Variants in CLYBL observed in about 807,000 individuals in gnomAD.
CLYBL encodes citramalyl-CoA lyase, also known as citramalyl-CoA lyase, mitochondrial.
In CLYBL, 31 loss-of-function variants were observed where a neutral mutation model predicts 38.9. The observed-to-expected ratio is 0.80, with a 90% CI of 0.60 to 1.08. The LOEUF is 1.08. Ranked by LOEUF, CLYBL falls within the 50% of genes least tolerant of loss-of-function variation. The probability of loss-of-function intolerance (pLI) is 0.00; values close to 1 mark genes in which losing one functional copy is unlikely to be tolerated. For missense variants in CLYBL, 434 were observed against 411.6 expected (o/e 1.05, Z -0.47); for synonymous variants, 171 against 158.6 (o/e 1.08, Z -0.59).
At chr13:99,722,902 TC>T (rs577382936) in intron 1 of CLYBL, among the ~76,000 whole-genome samples, 290 of 152,318 alleles carry the variant, frequency 1.9e-3, no homozygotes, top group Non-Finnish European at 2.2e-3. Flanking sequence ...ACTGTTTACT[TC>T]CCCCTTTCTC....
intron 1 of CLYBL, among the ~76,000 whole-genome samples, chr13:99,633,311 G>A (rs905199009): frequency 2.4e-4 from 36 of 151,666 alleles, no homozygotes; most frequent in Admixed American, 2.4e-3. Context: ...AGGCAGAAGT[G>A]GGCGGATCAC....
chr13:99,737,352 G>T (rs562630693), intron 1 of CLYBL, among the ~76,000 whole-genome samples: 1 of 152,312 alleles, frequency 6.6e-6, no homozygotes, highest in South Asian at 2.1e-4. Context: ...TGTGCACGAG[G>T]TGCTTCGTCA....
At chr13:99,732,258 T>C (rs900206434) in intron 1 of CLYBL, among the ~76,000 whole-genome samples, 3 of 144,946 alleles carry the variant, frequency 2.1e-5, no homozygotes, top group Non-Finnish European at 4.5e-5. Context: ...CACGATTCAC[T>C]GCAGCCTCAA....
At chr13:99,648,085 A>T (rs1431460910) in intron 1 of CLYBL, among the ~76,000 whole-genome samples, 1 of 152,202 alleles carries the variant, frequency 6.6e-6, no homozygotes, top group Non-Finnish European at 1.5e-5. Context: ...TGAGAAATGA[A>T]GTTGGCATGC....
chr13:99,822,848 C>T (rs563109755), intron 2 of CLYBL, among the ~76,000 whole-genome samples: 1 of 152,282 alleles, frequency 6.6e-6, no homozygotes, highest in African/African-American at 2.4e-5. Context: ...GTTTTAACTT[C>T]CTTACTGTTA....
intron 1 of CLYBL, among the ~76,000 whole-genome samples, chr13:99,608,365 G>T (rs372265571): frequency 5.9e-5 from 9 of 152,322 alleles, no homozygotes; most frequent in African/African-American, 1.4e-4. Context: ...GAGCCACCGT[G>T]CCCGGCCTGG....
chr13:99,784,315 A>G (rs2049730615), intron 2 of CLYBL, among the ~76,000 whole-genome samples: 1 of 152,170 alleles, frequency 6.6e-6, no homozygotes, highest in Non-Finnish European at 1.5e-5. Context: ...CTAACCTTGC[A>G]GTGGTCTCAA....
intron 1 of CLYBL, among the ~76,000 whole-genome samples, chr13:99,691,322 T>C (rs963290965): frequency 1.3e-5 from 2 of 152,190 alleles, no homozygotes; most frequent in African/African-American, 2.4e-5. Context: ...ATAAATAAAT[T>C]AGTTACAAAC....
intron 2 of CLYBL, among the ~76,000 whole-genome samples, chr13:99,777,501 T>C (rs903868550): frequency 2.0e-5 from 3 of 151,552 alleles, no homozygotes; most frequent in South Asian, 4.2e-4. Flanking sequence ...CTTTTCTTTT[T>C]TTTTTTTTGA....
At chr13:99,850,197 A>G (rs944650161) in intron 2 of CLYBL, among the ~76,000 whole-genome samples, 126 of 152,214 alleles carry the variant, frequency 8.3e-4, no homozygotes, top group Non-Finnish European at 1.8e-4. Flanking sequence ...CCATCAAGAA[A>G]ATGAAAAGAT....
At chr13:99,790,364 C>T (rs2138885273) in intron 2 of CLYBL, among the ~76,000 whole-genome samples, 1 of 152,260 alleles carries the variant, frequency 6.6e-6, no homozygotes, top group East Asian at 1.9e-4. Context: ...TTTAGTGCTT[C>T]CTTCAGGAGC....
intron 2 of CLYBL, among the ~76,000 whole-genome samples, chr13:99,842,132 T>G (rs1428299625): frequency 6.6e-6 from 1 of 152,204 alleles, no homozygotes; most frequent in East Asian, 1.9e-4. Context: ...CACCTATGTA[T>G]TTTTATGCTT....
At chr13:99,904,752 G>A (rs942017760) in intron 8 of CLYBL, among the ~76,000 whole-genome samples, 1 of 152,202 alleles carries the variant, frequency 6.6e-6, no homozygotes, top group Non-Finnish European at 1.5e-5. Flanking sequence ...AAACTGTACA[G>A]TTTTTATGAA....
intron 1 of CLYBL, among the ~76,000 whole-genome samples, chr13:99,635,882 A>T (rs1259586816): frequency 6.6e-6 from 1 of 152,224 alleles, no homozygotes; most frequent in Non-Finnish European, 1.5e-5. Flanking sequence ...TAAAGATAAT[A>T]TATATAAAGT....
At chr13:99,776,944 C>G (rs543411841) in intron 2 of CLYBL, among the ~76,000 whole-genome samples, 2 of 151,824 alleles carry the variant, frequency 1.3e-5, no homozygotes, top group African/African-American at 4.8e-5. Flanking sequence ...GGTGCGATCT[C>G]GGCTCACTCA....
At chr13:99,781,685 C>A (rs544019257) in intron 2 of CLYBL, among the ~76,000 whole-genome samples, 1 of 151,946 alleles carries the variant, frequency 6.6e-6, no homozygotes, top group Non-Finnish European at 1.5e-5. Context: ...ATCATGTTGG[C>A]CAGGCTGATC....
Position 99,773,111 on chromosome 13 carries a change from C to T in CLYBL, c.249+101C>T, listed in dbSNP as rs2049434822. 9 of 953,688 alleles carry T rather than the reference C, an allele frequency of 9.4e-6. No homozygotes were observed. In the East Asian group the frequency reaches 1.8e-4, roughly 19 times the overall value. 59.1% of individuals were successfully genotyped at this position (953,688 alleles called of 1,614,324 possible). A position where few individuals can be genotyped will look rare whatever the true frequency, so the allele number is the denominator to read the frequency against. On this transcript the variant is annotated intron_variant, in intron 2 of 8. Coordinates refer to ENST00000339105, the MANE Select transcript of CLYBL (RefSeq NM_206808.5). ...CTATTTGGAAAGATTCTACCACACT[C>T]ATCTTTTGCTGATTATTAACAATTC...
chr13:99,612,041 A>G lies in CLYBL; in HGVS notation c.62+5284A>G, dbSNP rs147217277. 5.3e-5 allele frequency among the ~76,000 whole-genome samples: 8 copies of G among 152,256 alleles called. No individual in the cohort carries two copies. The East Asian group carries it at 1.4e-3, about 26-fold the overall frequency. On this transcript the variant is annotated intron_variant, in intron 1 of 8. Coordinates refer to ENST00000339105, the MANE Select transcript of CLYBL (RefSeq NM_206808.5). ...ATGTTAGGCCCCCCTCCAAATTTCT[A>G]TCATCCCGCAAATTCTCTTGAGCCC...
At chr13:99,825,323 A>G (rs2139050171) in intron 2 of CLYBL, among the ~76,000 whole-genome samples, 1 of 152,290 alleles carries the variant, frequency 6.6e-6, no homozygotes, top group South Asian at 2.1e-4. Flanking sequence ...AAATGGGAAT[A>G]ATATCAGCTA....
Sources: gnomAD v4.1 joint callset for allele counts (sites outside exome capture counted in the v4.1 genomes callset) on GRCh38, gnomAD v4.1.1 for gene constraint, MANE v1.5 for transcripts, NCBI Gene and HGNC (gene_info 2026-07-23, HGNC 2026-07-21) for gene names.